The following TDRD15 variants were observed in gnomAD, a reference collection of about 807,000 sequenced individuals.
The protein encoded by TDRD15 is tudor domain containing 15.
For missense variants in TDRD15, 1,416 were observed against 904.7 expected (o/e 1.57, Z -7.25); for synonymous variants, 503 against 314.5 (o/e 1.60, Z -6.34).
intron 2 of TDRD15, among the ~76,000 whole-genome samples, chr2:21,132,307 G>A (rs963426579): frequency 2.0e-5 from 3 of 152,026 alleles, no homozygotes; most frequent in Non-Finnish European, 2.9e-5. Context: ...GAAATTAGAA[G>A]CCACTGATTT....
chr2:21,142,945 A>G lies in TDRD15; in HGVS notation c.5478A>G (p.Ser1826=). ...GATTTTCTTTTTATATACGTTATTCAGAAATTATAAATCTTAAAGTTGTTC... is the reference window on the plus strand; with the variant it reads ...GATTTTCTTTTTATATACGTTATTCGGAAATTATAAATCTTAAAGTTGTTC... ...DYGFSFYIRY[S]EIINLKVVPE... is the part of the protein sequence containing the mutation. Residue 1826 remains serine (S), a synonymous_variant, in exon 4 of 4, where the codon TCA becomes TCG. Coordinates refer to ENST00000405799, the MANE Select transcript of TDRD15 (RefSeq NM_001306137.2). The G allele has an allele frequency of 1.4e-6, 1 of 701,564 alleles. No individual in the cohort carries two copies. The highest frequency in any genetic ancestry group is 1.6e-5 in the South Asian group (1 of 63,826). The allele number at this position is 701,564 out of a possible 1,614,324, so 43.5% of individuals were successfully genotyped here.
At chr2:21,146,038 T>G (rs1666024782), downstream of TDRD15, among the ~76,000 whole-genome samples, 1 of 152,004 alleles carries the variant, frequency 6.6e-6, no homozygotes, top group Non-Finnish European at 1.5e-5. Flanking sequence ...AATGGGTGTT[T>G]AAAGCTCTCC....
chr2:21,137,866 G>T lies in TDRD15; in HGVS notation c.399G>T (p.Gly133=). The T allele has an allele frequency of 1.4e-6, 1 of 715,316 alleles. No individual in the cohort carries two copies. Among genetic ancestry groups the T allele is most frequent in the Non-Finnish European group, 2.6e-6 (1 of 384,118 alleles). The allele number at this position is 715,316 out of a possible 1,614,324, so 44.3% of individuals were successfully genotyped here. A position where few individuals can be genotyped will look rare whatever the true frequency, so the allele number is the denominator to read the frequency against. ...FGIFANILPV[G]EKWSPKALNY... ...TTTTTGCGAATATACTACCAGTTGGGGAAAAATGGTCCCCTAAAGCTTTGA... is the reference window on the plus strand; with the variant it reads ...TTTTTGCGAATATACTACCAGTTGGTGAAAAATGGTCCCCTAAAGCTTTGA... The change falls in exon 4 of 4, where the codon GGG becomes GGT. Residue 133 remains glycine (G), a synonymous_variant. Transcript: ENST00000405799.
At chr2:21,126,114 A>G (rs977025006) in intron 1 of TDRD15, among the ~76,000 whole-genome samples, 1 of 152,164 alleles carries the variant, frequency 6.6e-6, no homozygotes, top group Admixed American at 6.5e-5. Context: ...CATTTGACAC[A>G]TGTATACTCT....
At chr2:21,126,541 T>G (rs1489756174) in intron 1 of TDRD15, among the ~76,000 whole-genome samples, 2 of 152,106 alleles carry the variant, frequency 1.3e-5, no homozygotes, top group Non-Finnish European at 2.9e-5. Flanking sequence ...TAATTTTGTA[T>G]TTTTAGTAGA....
Position 21,140,825 on chromosome 2 carries a change from C to G in TDRD15, c.3358C>G (p.Leu1120Val), listed in dbSNP as rs1263498326. 1.4e-6 allele frequency: 1 copy of G among 714,952 alleles called. No homozygotes were observed. Among genetic ancestry groups the G allele is most frequent in the Non-Finnish European group, 2.6e-6 (1 of 383,590 alleles). 44.3% of individuals were successfully genotyped at this position (714,952 alleles called of 1,614,324 possible). A position where few individuals can be genotyped will look rare whatever the true frequency, so the allele number is the denominator to read the frequency against. Residue 1120 changes from leucine to valine, a missense_variant, in exon 4 of 4, where the codon CTT (leucine) becomes GTT (valine). By Grantham distance (32) the Leu-to-Val change is conservative. Coordinates refer to ENST00000405799, the MANE Select transcript of TDRD15 (RefSeq NM_001306137.2). ...ATTGTCCCAGGAGTCAGATGGACAG[C>G]TTGGTATAGAATTGTATGATGGATC... ...IILSQESDGQLGIELYDGSQY... is the reference protein window; with the variant it reads ...IILSQESDGQVGIELYDGSQY...
intron 2 of TDRD15, among the ~76,000 whole-genome samples, chr2:21,129,865 T>C (rs1337195419): frequency 1.3e-5 from 2 of 152,232 alleles, no homozygotes; most frequent in Non-Finnish European, 2.9e-5. Context: ...CTTACAGTTA[T>C]GGAGACTGAG....
At position 21,123,970 on chromosome 2, in the gene TDRD15, G is replaced by A. The variant is rs1665528046; in HGVS notation, c.-277G>A. ...ACGAGGGGGTGGGAACAGGGCCCGA[G>A]TCTCCCGCCATCTTGGGCCCTAGCG... On this transcript the variant is annotated 5_prime_UTR_variant, in exon 1 of 4. Coordinates refer to ENST00000405799, the MANE Select transcript of TDRD15 (RefSeq NM_001306137.2). The A allele has an allele frequency of 6.6e-6, 1 of 152,416 alleles. No homozygotes were observed. Among genetic ancestry groups the A allele is most frequent in the Non-Finnish European group, 1.5e-5 (1 of 68,168 alleles). 9.4% of individuals were successfully genotyped at this position (152,416 alleles called of 1,614,324 possible). A position where few individuals can be genotyped will look rare whatever the true frequency, so the allele number is the denominator to read the frequency against.
chr2:21,130,821 C>A (rs972431318), intron 2 of TDRD15, among the ~76,000 whole-genome samples: 2 of 152,088 alleles, frequency 1.3e-5, no homozygotes, highest in Admixed American at 1.3e-4. Context: ...CAAACACTTG[C>A]AATAAAAAAG....
At position 21,143,635 on chromosome 2, in the gene TDRD15, G is replaced by A. The variant is rs774293014; in HGVS notation, c.*363G>A. Among the ~76,000 whole-genome samples, 1 of 151,380 alleles carries A rather than the reference G, an allele frequency of 6.6e-6. No individual in the cohort carries two copies. Among genetic ancestry groups the A allele is most frequent in the Non-Finnish European group, 1.5e-5 (1 of 67,616 alleles). On this transcript the variant is annotated 3_prime_UTR_variant, in exon 4 of 4. Coordinates refer to ENST00000405799, the MANE Select transcript of TDRD15 (RefSeq NM_001306137.2). ...TAAGACAATGAACTTGAGAACAGCA[G>A]TAAAAACATTGCATGATAATAAAAA...
In TDRD15 at chr2:21,140,026, T is replaced by G. The variant is rs1347213526; in HGVS notation, c.2559T>G (p.Phe853Leu). The change falls in exon 4 of 4, where the codon TTT becomes TTG. Residue 853 changes from phenylalanine to leucine, a missense_variant. Phe to Leu is a conservative substitution (Grantham distance 22, BLOSUM62 0). Transcript: ENST00000405799. ...ATCTTTGTGCAATTAACCCACGTTT[T>G]CTCTTGTTAGAAAGCCAAGCCTTCA... ...IEDLCAINPRFLLLESQAFRC... is the reference protein window; with the variant it reads ...IEDLCAINPRLLLLESQAFRC... The G allele has an allele frequency of 1.4e-6, 1 of 715,684 alleles. No homozygotes were observed. Among genetic ancestry groups the G allele is most frequent in the Non-Finnish European group, 2.6e-6 (1 of 383,968 alleles). The allele number at this position is 715,684 out of a possible 1,614,324, so 44.3% of individuals were successfully genotyped here. A position where few individuals can be genotyped will look rare whatever the true frequency, so the allele number is the denominator to read the frequency against.
At chr2:21,125,798 A>G (rs62135036) in intron 1 of TDRD15, among the ~76,000 whole-genome samples, 38,507 of 152,064 alleles carry the variant, frequency 0.25, 5,277 homozygotes, top group Non-Finnish European at 0.32. Context: ...CTCTATTTGT[A>G]TATGAACACA....
At chr2:21,128,613 T>G (rs986899904) in intron 2 of TDRD15, among the ~76,000 whole-genome samples, 2 of 152,112 alleles carry the variant, frequency 1.3e-5, no homozygotes, top group Non-Finnish European at 2.9e-5. Flanking sequence ...TGAGCCACCA[T>G]GCCCGGCCTG....
intron 3 of TDRD15, among the ~76,000 whole-genome samples, chr2:21,136,907 A>G (rs1195647004): frequency 6.6e-6 from 1 of 151,978 alleles, no homozygotes; most frequent in Non-Finnish European, 1.5e-5. Flanking sequence ...TCAATCAAAG[A>G]TGAATCCCGG....
rs1223197262 is a variant in TDRD15, at chr2:21,143,008, A to G, written c.5541A>G (p.Pro1847=). The G allele has an allele frequency of 1.4e-6, 1 of 700,556 alleles. No homozygotes were observed. Among genetic ancestry groups the G allele is most frequent in the Non-Finnish European group, 2.6e-6 (1 of 379,734 alleles). 43.4% of individuals were successfully genotyped at this position (700,556 alleles called of 1,614,324 possible). Residue 1847 remains proline (P), a synonymous_variant, in exon 4 of 4, where the codon CCA becomes CCG. Coordinates refer to ENST00000405799, the MANE Select transcript of TDRD15 (RefSeq NM_001306137.2). ...ELLNLPRLSY[P]CILYGILPAK... ...TGAATTTGCCAAGGCTGAGTTATCC[A>G]TGTATTTTATATGGTATCTTACCTG...
At chr2:21,126,550 G>A (rs1665602180) in intron 1 of TDRD15, among the ~76,000 whole-genome samples, 3 of 152,088 alleles carry the variant, frequency 2.0e-5, no homozygotes, top group African/African-American at 7.2e-5. Flanking sequence ...ATTTTTAGTA[G>A]AGACGGGGTT....
chr2:21,145,260 C>T (rs1257080833), downstream of TDRD15, among the ~76,000 whole-genome samples: 5 of 152,022 alleles, frequency 3.3e-5, no homozygotes, highest in African/African-American at 1.2e-4. Flanking sequence ...CTGAGATATT[C>T]AACTCAGATT....
At position 21,139,854 on chromosome 2, in the gene TDRD15, A is replaced by G. The variant is rs1437097494; in HGVS notation, c.2387A>G (p.His796Arg). The G allele has an allele frequency of 5.6e-6, 4 of 715,752 alleles. No homozygotes were observed. Among genetic ancestry groups the G allele is most frequent in the Non-Finnish European group, 7.8e-6 (3 of 384,044 alleles). 44.3% of individuals were successfully genotyped at this position (715,752 alleles called of 1,614,324 possible). A position where few individuals can be genotyped will look rare whatever the true frequency, so the allele number is the denominator to read the frequency against. ...CAAATTCAGAATTACTATAGTATTC[A>G]TTCTGATCCTTATGAGATTGGGCAG... ...MEQIQNYYSIHSDPYEIGQTA... is the reference protein window; with the variant it reads ...MEQIQNYYSIRSDPYEIGQTA... Residue 796 changes from histidine to arginine, a missense_variant, in exon 4 of 4, where the codon CAT (histidine) becomes CGT (arginine). By Grantham distance (29) the His-to-Arg change is conservative (BLOSUM62 0). Transcript: ENST00000405799.
chr2:21,139,934 C>G lies in TDRD15; in HGVS notation c.2467C>G (p.Gln823Glu). 1.4e-6 allele frequency: 1 copy of G among 715,164 alleles called. No homozygotes were observed. The highest frequency in any genetic ancestry group is 2.6e-6 in the Non-Finnish European group (1 of 383,794). 44.3% of individuals were successfully genotyped at this position (715,164 alleles called of 1,614,324 possible). A position where few individuals can be genotyped will look rare whatever the true frequency, so the allele number is the denominator to read the frequency against. Residue 823 changes from glutamine to glutamate, a missense_variant, in exon 4 of 4, where the codon CAA becomes GAA. Coordinates refer to ENST00000405799, the MANE Select transcript of TDRD15 (RefSeq NM_001306137.2). The part of the protein sequence containing the change: ...GKWCRAAVLT[Q>E]VSKEVDIVFV... ...GTGGTGTAGAGCTGCTGTTTTGACT[C>G]AAGTATCAAAAGAAGTTGACATAGT...
Sources: allele counts gnomAD v4.1 joint callset (sites outside exome capture counted in the v4.1 genomes callset), GRCh38; gene constraint gnomAD v4.1.1; transcripts MANE v1.5; gene names NCBI Gene and HGNC (gene_info 2026-07-23, HGNC 2026-07-21).